EPAS1: variants seen among roughly 807,000 people sequenced by gnomAD.
EPAS1 encodes the protein endothelial PAS domain-containing protein 1.
In EPAS1, 23 loss-of-function variants were observed where a neutral mutation model predicts 87.9. The ratio of observed to expected loss-of-function variants is 0.26; its 90% CI spans 0.19 to 0.37. The LOEUF (loss-of-function observed/expected upper bound fraction) is 0.37. Ranked by LOEUF, EPAS1 falls within the 10% of genes least tolerant of loss-of-function variation. EPAS1 has a pLI of 1.00. For synonymous variants in EPAS1, 508 were observed against 444.3 expected, an observed-to-expected ratio of 1.14 and a Z score of -1.80; for missense variants, 1,138 against 1,120.7, an observed-to-expected ratio of 1.02 and a Z score of -0.22.
rs1572631573 is a variant in EPAS1 at position 46,347,482 on chromosome 2, G to A, written c.217+419G>A. On this transcript the variant is annotated intron_variant, in intron 2 of 15. Transcript: ENST00000263734. This position sits in a 1 kb window ranked among gnomAD's most constrained non-coding sequence, Gnocchi z 4.2. Reference sequence around the variant, plus strand: ...GAACAGCAAGAAGGTGTGCCCGGATGATCTTTTCCCTCTGAGAAGCCAGTT... The same window carrying A: ...GAACAGCAAGAAGGTGTGCCCGGATAATCTTTTCCCTCTGAGAAGCCAGTT... 3.8e-6 allele frequency: 1 copy of A among 265,860 alleles called. No homozygotes were observed. The highest frequency in any genetic ancestry group is 9.1e-5 in the East Asian group (1 of 10,940). The allele number at this position is 265,860 out of a possible 1,614,324, so 16.5% of individuals were successfully genotyped here.
intron 1 of EPAS1, among the ~76,000 whole-genome samples, chr2:46,344,002 G>C (rs1683965125): frequency 6.6e-6 from 1 of 152,232 alleles, no homozygotes; most frequent in South Asian, 2.1e-4. Flanking sequence ...CTAAGTGTCT[G>C]CTCACTGACT....
At chr2:46,329,415 G>A (rs1159422661) in intron 1 of EPAS1, among the ~76,000 whole-genome samples, 4 of 152,204 alleles carry the variant, frequency 2.6e-5, no homozygotes. Flanking sequence ...GTCAAGGGAA[G>A]CTGGCAGCAA....
chr2:46,350,770 A>C (rs1361235262), intron 2 of EPAS1, among the ~76,000 whole-genome samples: 1 of 152,248 alleles, frequency 6.6e-6, no homozygotes. Context: ...GGCGAAATCA[A>C]ATTCATTTTC....
At position 46,386,033 on chromosome 2, in the gene EPAS1, C is replaced by T. The variant is rs112031193; in HGVS notation, c.*1373C>T. The T allele has an allele frequency of 1.3e-5, 2 of 152,728 alleles. No individual in the cohort carries two copies. Among genetic ancestry groups the T allele is most frequent in the African/African-American group, 4.8e-5 (2 of 41,452 alleles). 9.5% of individuals were successfully genotyped at this position (152,728 alleles called of 1,614,324 possible). A position where few individuals can be genotyped will look rare whatever the true frequency, so the allele number is the denominator to read the frequency against. On this transcript the variant is annotated 3_prime_UTR_variant, in exon 16 of 16. Transcript: ENST00000263734. The stretch of plus-strand genomic sequence containing the variant: ...TGGTCCAGACCAGCCCTGCAGCCCC[C>T]ACTCAGCCGGCAGCCAGATGGCCCC...
intron 1 of EPAS1, among the ~76,000 whole-genome samples, chr2:46,320,292 G>C (rs191180027): frequency 6.6e-6 from 1 of 152,286 alleles, no homozygotes; most frequent in African/African-American, 2.4e-5. Context: ...GATTCTGGTA[G>C]GGTACTTGCC....
chr2:46,372,293 C>T (rs1684642996), intron 7 of EPAS1, among the ~76,000 whole-genome samples: 1 of 152,138 alleles, frequency 6.6e-6, no homozygotes, highest in African/African-American at 2.4e-5. Context: ...CGAGCTTGCC[C>T]CTTGCCCCCG....
intron 1 of EPAS1, among the ~76,000 whole-genome samples, chr2:46,313,081 A>T (rs753451252): frequency 6.6e-6 from 1 of 152,224 alleles, no homozygotes; most frequent in East Asian, 1.9e-4. Context: ...GAGGTCAGAC[A>T]GCTACTAGCA....
At chr2:46,310,654 C>G (rs908982902) in intron 1 of EPAS1, among the ~76,000 whole-genome samples, 1 of 152,216 alleles carries the variant, frequency 6.6e-6, no homozygotes, top group Non-Finnish European at 1.5e-5. Flanking sequence ...AACCTTTCCC[C>G]TGGAGGAATT....
intron 4 of EPAS1, among the ~76,000 whole-genome samples, chr2:46,359,340 AC>A: frequency 6.6e-6 from 1 of 150,840 alleles, no homozygotes; most frequent in East Asian, 2.0e-4. Flanking sequence ...CCTCAATAAT[AC>A]CCCAGCAACA....
intron 4 of EPAS1, among the ~76,000 whole-genome samples, chr2:46,358,330 T>C (rs1026509857): frequency 1.3e-5 from 2 of 152,208 alleles, no homozygotes; most frequent in Non-Finnish European, 2.9e-5. Flanking sequence ...GAGAGCACCC[T>C]GTAGGCTGCT....
chr2:46,326,707 A>C (rs1475506516), intron 1 of EPAS1, among the ~76,000 whole-genome samples: 1 of 152,162 alleles, frequency 6.6e-6, no homozygotes, highest in Non-Finnish European at 1.5e-5. Context: ...ATTAAAGGAG[A>C]CACCTTTGTT....
At chr2:46,369,294 G>A (rs1374749) in intron 6 of EPAS1, among the ~76,000 whole-genome samples, 76,650 of 151,966 alleles carry the variant, frequency 0.5, 19,866 homozygotes, top group East Asian at 0.81. Flanking sequence ...TCCCTCTCAC[G>A]TGCTGGTTGA....
chr2:46,297,478 G>T lies in EPAS1; in HGVS notation c.-434G>T. On this transcript the variant is annotated 5_prime_UTR_variant, in exon 1 of 16. Transcript: ENST00000263734. ...CCGCCCCAGCGCTCCTGAGGCGGCC[G>T]TACAATCCTCGGCAGTGTCCTGAGA... The T allele has an allele frequency of 5.6e-6, 1 of 177,532 alleles. No homozygotes were observed. Among genetic ancestry groups the T allele is most frequent in the Non-Finnish European group, 1.2e-5 (1 of 84,198 alleles). The allele number at this position is 177,532 out of a possible 1,614,324, so 11.0% of individuals were successfully genotyped here.
At chr2:46,351,344 T>A (rs1248419318) in intron 2 of EPAS1, among the ~76,000 whole-genome samples, 1 of 152,174 alleles carries the variant, frequency 6.6e-6, no homozygotes, top group Non-Finnish European at 1.5e-5. Context: ...GTAAGATACA[T>A]GCAAAGAACA....
rs1248252656 is a variant in EPAS1 at position 46,360,274 on chromosome 2, G to A, written c.455-364G>A. 6.6e-6 allele frequency among the ~76,000 whole-genome samples: 1 copy of A among 152,238 alleles called. No individual in the cohort carries two copies. The highest frequency in any genetic ancestry group is 6.5e-5 in the Admixed American group (1 of 15,286). On this transcript the variant is annotated intron_variant, in intron 4 of 15. Transcript: ENST00000263734. This position sits in a 1 kb window ranked among gnomAD's most constrained non-coding sequence, Gnocchi z 4.5. ...ACTCAGACTGTCCCTTGGAATTTCTGCGAGAAGACCTGGGCCTGCCCCAGG... is the reference window on the plus strand; with the variant it reads ...ACTCAGACTGTCCCTTGGAATTTCTACGAGAAGACCTGGGCCTGCCCCAGG...
In EPAS1 at chr2:46,375,432, G is replaced by A. The variant is rs528841219; in HGVS notation, c.887-258G>A. 3.3e-5 allele frequency among the ~76,000 whole-genome samples: 5 copies of A among 152,206 alleles called. No individual in the cohort carries two copies. The East Asian group carries it at 5.8e-4, about 18-fold the overall frequency. On this transcript the variant is annotated intron_variant, in intron 7 of 15. Coordinates refer to ENST00000263734, the MANE Select transcript of EPAS1 (RefSeq NM_001430.5). This position sits in a 1 kb window ranked among gnomAD's most constrained non-coding sequence, Gnocchi z 4.1. Reference sequence around the variant, plus strand: ...GCCACTGCAAAGCTGCATAGTGAGCGGGTCCCTCCCTCAGTAGACAGCCTT... The same window carrying A: ...GCCACTGCAAAGCTGCATAGTGAGCAGGTCCCTCCCTCAGTAGACAGCCTT...
At position 46,375,761 on chromosome 2, in the gene EPAS1, G is replaced by C; in HGVS notation, c.958G>C (p.Glu320Gln). 1 of 1,614,228 alleles carries C rather than the reference G, an allele frequency of 6.2e-7. No homozygotes were observed. ...AAAGCATGGGGGCTACGTGTGGCTGGAGACCCAGGGGACGGTCATCTACAA... is the reference window on the plus strand; with the variant it reads ...AAAGCATGGGGGCTACGTGTGGCTGCAGACCCAGGGGACGGTCATCTACAA... ...LAKHGGYVWL[E>Q]TQGTVIYNPR... The change falls in exon 8 of 16, where the codon GAG (glutamate) becomes CAG (glutamine). Residue 320 changes from glutamate (E) to glutamine (Q), a missense_variant. Glu to Gln is a conservative substitution (Grantham distance 29). Around this residue, in one of 4 missense-constraint regions of EPAS1, gnomAD observed 351 missense variants for 417.1 expected, o/e 0.84. Transcript: ENST00000263734. The surrounding 1 kb of genome is among the most constrained non-coding windows in gnomAD (Gnocchi z 4.1).
intron 1 of EPAS1, among the ~76,000 whole-genome samples, chr2:46,315,200 GAGGCAACCCATGC>G (rs1209229718): frequency 1.3e-5 from 2 of 152,190 alleles, no homozygotes; most frequent in Non-Finnish European, 2.9e-5. Context: ...ATACTGATGT[GAGGCAACCCATGC>G]AGGCAACCCG....
At chr2:46,361,324 G>T (rs183158117) in intron 6 of EPAS1, among the ~76,000 whole-genome samples, 180 of 152,248 alleles carry the variant, frequency 1.2e-3, no homozygotes, top group African/African-American at 4.2e-3. Context: ...AGCTTTCCTG[G>T]TGTGCAACTC....
Sources: allele counts gnomAD v4.1 joint callset (sites outside exome capture counted in the v4.1 genomes callset), GRCh38; gene constraint gnomAD v4.1.1; regional missense constraint gnomAD v4.1.1; non-coding constraint Gnocchi (gnomAD v3.1); transcripts MANE v1.5; gene names NCBI Gene and HGNC (gene_info 2026-07-23, HGNC 2026-07-21).